The following PLCB1 variants were observed in gnomAD, a reference collection of about 807,000 sequenced individuals.
PLCB1 encodes the protein 1-phosphatidylinositol 4,5-bisphosphate phosphodiesterase beta-1.
PLCB1 carries 46 observed loss-of-function variants against 161.8 expected under a neutral mutation model. The ratio of observed to expected loss-of-function variants is 0.28; its 90% CI spans 0.22 to 0.36. The LOEUF (loss-of-function observed/expected upper bound fraction) is 0.36. PLCB1 is among the 10% of genes least tolerant of loss of function. PLCB1 has a pLI of 1.00. For synonymous variants in PLCB1, 517 were observed against 503.7 expected, an observed-to-expected ratio of 1.03 and a Z score of -0.35; for missense variants, 1,016 against 1,472.5, an observed-to-expected ratio of 0.69 and a Z score of 5.07.
chr20:8,635,045 A>G (rs1361810103), intron 4 of PLCB1, among the ~76,000 whole-genome samples: 1 of 152,052 alleles, frequency 6.6e-6, no homozygotes, highest in Non-Finnish European at 1.5e-5. Context: ...CATGACTTCC[A>G]TGCATAGCCC....
At chr20:8,749,940 A>T (rs1217724157) in intron 23 of PLCB1, among the ~76,000 whole-genome samples, 2 of 129,902 alleles carry the variant, frequency 1.5e-5, no homozygotes, top group African/African-American at 5.9e-5. Context: ...AATATGAATT[A>T]TGCATTCATT....
chr20:8,218,893 TC>T (rs1979270393), intron 2 of PLCB1, among the ~76,000 whole-genome samples: 1 of 152,120 alleles, frequency 6.6e-6, no homozygotes, highest in Non-Finnish European at 1.5e-5. Flanking sequence ...TACATATAAT[TC>T]CACCTTATAT....
chr20:8,621,359 A>G (rs1359473385), intron 3 of PLCB1, among the ~76,000 whole-genome samples: 1 of 152,196 alleles, frequency 6.6e-6, no homozygotes, highest in Non-Finnish European at 1.5e-5. Context: ...CATGGCTGAA[A>G]AGTTGTCTAT....
At chr20:8,629,821 C>CT (rs1555777964) in intron 4 of PLCB1, among the ~76,000 whole-genome samples, 3 of 82,770 alleles carry the variant, frequency 3.6e-5, no homozygotes, top group East Asian at 6.1e-4. Context: ...TCTTTCTTTT[C>CT]TTTCTTTCTT....
At chr20:8,190,486 T>C (rs2051957048) in intron 2 of PLCB1, among the ~76,000 whole-genome samples, 1 of 152,084 alleles carries the variant, frequency 6.6e-6, no homozygotes. Context: ...GTTAGCGGCT[T>C]GATACCCACA....
chr20:8,656,254 G>A (rs1989454528), intron 7 of PLCB1, among the ~76,000 whole-genome samples: 2 of 151,882 alleles, frequency 1.3e-5, no homozygotes, highest in South Asian at 4.1e-4. Flanking sequence ...CCACAAATAC[G>A]GGTCTTCTGC....
intron 31 of PLCB1, among the ~76,000 whole-genome samples, chr20:8,811,948 G>T (rs1224711733): frequency 6.6e-6 from 1 of 152,208 alleles, no homozygotes. Context: ...TACCAGCAAG[G>T]TCGAGTCATA....
chr20:8,336,371 A>C (rs2719774), intron 2 of PLCB1, among the ~76,000 whole-genome samples: 41,511 of 152,100 alleles, frequency 0.27, 5,896 homozygotes, highest in East Asian at 0.4. Flanking sequence ...CTGGGAATCA[A>C]ATTTGGATTT....
intron 26 of PLCB1, among the ~76,000 whole-genome samples, chr20:8,770,364 C>T (rs1424604557): frequency 6.6e-6 from 1 of 152,252 alleles, no homozygotes; most frequent in Non-Finnish European, 1.5e-5. Flanking sequence ...CCTGTAGTTA[C>T]ACAGCCAGTT....
At chr20:8,710,561 C>A (rs1568569173) in intron 12 of PLCB1, among the ~76,000 whole-genome samples, 2 of 128,354 alleles carry the variant, frequency 1.6e-5, no homozygotes, top group Non-Finnish European at 1.5e-5. Context: ...GTTGCCCAGG[C>A]TGGAGTGCCA....
intron 2 of PLCB1, chr20:8,305,620 C>A (rs1289526066): frequency 2.6e-5 from 4 of 152,078 alleles, no homozygotes; most frequent in Non-Finnish European, 5.9e-5. Context: ...CCCTGCTAGT[C>A]GCGACTAGCG....
chr20:8,757,091 A>G lies in PLCB1; in HGVS notation c.2569A>G (p.Thr857Ala), dbSNP rs753563126. ...ATCAGAGGCTCCAAGTGAAGCGAGAACGACTCCAGCAGAAAATGGGGTGAA... is the reference window on the plus strand; with the variant it reads ...ATCAGAGGCTCCAAGTGAAGCGAGAGCGACTCCAGCAGAAAATGGGGTGAA... ...TPSEAPSEARTTPAENGVNHT... is the reference protein window; with the variant it reads ...TPSEAPSEARATPAENGVNHT... The change falls in exon 24 of 32, where the codon ACG (threonine) becomes GCG (alanine). Residue 857 changes from threonine (T) to alanine (A), a missense_variant. This residue lies in a region of PLCB1 where 398 missense variants were observed against 445.4 expected (regional missense o/e 0.89). Coordinates refer to ENST00000338037, the MANE Select transcript of PLCB1 (RefSeq NM_015192.4). 6.8e-6 allele frequency: 11 copies of G among 1,613,310 alleles called. No homozygotes were observed. In the South Asian group the frequency reaches 8.8e-5, roughly 13 times the overall value.
At chr20:8,252,748 G>A (rs6039110) in intron 2 of PLCB1, among the ~76,000 whole-genome samples, 3,728 of 151,994 alleles carry the variant, frequency 0.025, 136 homozygotes, top group African/African-American at 0.085. Flanking sequence ...GTAGAATTTC[G>A]CTAGCCAGAC....
intron 26 of PLCB1, among the ~76,000 whole-genome samples, chr20:8,773,696 G>A (rs999575634): frequency 3.3e-5 from 5 of 152,210 alleles, no homozygotes; most frequent in African/African-American, 7.2e-5. Flanking sequence ...TTAAGAGGCC[G>A]GGCACGGTGG....
chr20:8,823,277 T>G (rs1403580824), intron 31 of PLCB1, among the ~76,000 whole-genome samples: 1 of 152,090 alleles, frequency 6.6e-6, no homozygotes, highest in Admixed American at 6.5e-5. Context: ...CATGCGCCAC[T>G]GCGCCCAGCT....
chr20:8,375,823 C>G (rs16994726), intron 3 of PLCB1, among the ~76,000 whole-genome samples: 1 of 151,178 alleles, frequency 6.6e-6, no homozygotes, highest in Non-Finnish European at 1.5e-5. Flanking sequence ...TTGATTCCAG[C>G]TTTTAAATTG....
intron 3 of PLCB1, among the ~76,000 whole-genome samples, chr20:8,407,064 A>T (rs1429566894): frequency 3.3e-5 from 5 of 152,246 alleles, no homozygotes; most frequent in African/African-American, 1.2e-4. Context: ...CTGATATTTT[A>T]ACTGTTACAC....
Position 8,523,253 on chromosome 20 carries a change from A to G in PLCB1, c.247-105041A>G, listed in dbSNP as rs557423187. 2.0e-5 allele frequency among the ~76,000 whole-genome samples: 3 copies of G among 151,892 alleles called. No individual in the cohort carries two copies. The South Asian group carries it at 6.3e-4, about 32-fold the overall frequency. On this transcript the variant is annotated intron_variant, in intron 3 of 31. Coordinates refer to ENST00000338037, the MANE Select transcript of PLCB1 (RefSeq NM_015192.4). ...CCAACTCTGTGCCAGGAACTAGTCT[A>G]GACACTAGGGATATAGTAGAAAGAG...
At chr20:8,170,826 G>A (rs1007037574) in intron 2 of PLCB1, among the ~76,000 whole-genome samples, 1 of 152,128 alleles carries the variant, frequency 6.6e-6, no homozygotes, top group South Asian at 2.1e-4. Context: ...TTTCTCATAG[G>A]CCAACAATAC....
Sources: allele counts gnomAD v4.1 joint callset (sites outside exome capture counted in the v4.1 genomes callset), GRCh38; gene constraint gnomAD v4.1.1; regional missense constraint gnomAD v4.1.1; transcripts MANE v1.5; gene names NCBI Gene and HGNC (gene_info 2026-07-23, HGNC 2026-07-21).